The following HSPG2 variants were observed in gnomAD, a reference collection of about 807,000 sequenced individuals.
The protein encoded by HSPG2 is heparan sulfate proteoglycan 2.
Under a neutral mutation model 526.6 loss-of-function variants are expected in HSPG2, and 278 were observed. The ratio of observed to expected loss-of-function variants is 0.53; its 90% CI spans 0.48 to 0.58. HSPG2 has a LOEUF of 0.58. Ranked by LOEUF, HSPG2 falls within the 20% of genes least tolerant of loss-of-function variation. The probability of loss-of-function intolerance (pLI) is 0.00; values close to 1 mark genes in which losing one functional copy is unlikely to be tolerated. For synonymous variants in HSPG2, 2,465 were observed against 2,555.4 expected, an observed-to-expected ratio of 0.96 and a Z score of 1.07; for missense variants, 5,354 against 6,099.5, an observed-to-expected ratio of 0.88 and a Z score of 4.07.
In HSPG2 at chr1:21,848,331, G is replaced by T. The variant is rs139187221; in HGVS notation, c.7738-238C>A. Among the ~76,000 whole-genome samples, 1 of 152,274 alleles carries T rather than the reference G, an allele frequency of 6.6e-6. No homozygotes were observed. Among genetic ancestry groups the T allele is most frequent in the East Asian group, 1.9e-4 (1 of 5,166 alleles). ...CTCCGGAGTGTTGACACAGTATCCT[G>T]CTGGGGCTCCCACAGCCTGCGAGCT... On this transcript the variant is annotated intron_variant, in intron 59 of 96. Coordinates refer to ENST00000374695, the MANE Select transcript of HSPG2 (RefSeq NM_005529.7). The surrounding 1 kb of genome is among the most constrained non-coding windows in gnomAD (Gnocchi z 4.9).
intron 1 of HSPG2, among the ~76,000 whole-genome samples, chr1:21,897,468 T>C (rs572052555): frequency 6.6e-6 from 1 of 151,812 alleles, no homozygotes; most frequent in African/African-American, 2.4e-5. Flanking sequence ...CCACCCCTAC[T>C]GCTCCCACAG....
At chr1:21,853,199 GC>G in intron 50 of HSPG2, 129 bp from the exon 51 acceptor site, 1 of 1,263,814 alleles carries the variant, frequency 7.9e-7, no homozygotes, top group Non-Finnish European at 1.1e-6. Context: ...TGGGACTAGG[GC>G]CACACCCTTC....
At chr1:21,849,639 G>C (rs1236525386) in intron 57 of HSPG2, among the ~76,000 whole-genome samples, 13 of 151,872 alleles carry the variant, frequency 8.6e-5, no homozygotes. Context: ...CATGCAAGTA[G>C]CGGAACAGTG....
intron 1 of HSPG2, among the ~76,000 whole-genome samples, chr1:21,925,765 A>T (rs1430805423): frequency 6.6e-6 from 1 of 152,148 alleles, no homozygotes; most frequent in Non-Finnish European, 1.5e-5. Context: ...AACAGGACCC[A>T]CTGAGGAAAA....
Position 21,823,398 on chromosome 1 carries a change from C to T in HSPG2, c.13094G>A (p.Arg4365Gln), listed in dbSNP as rs373773624. The change falls in exon 97 of 97, where the codon CGA (arginine) becomes CAA (glutamine). Residue 4365 changes from arginine to glutamine, a missense_variant. Transcript: ENST00000374695. ...CVKNLVLHSA[R>Q]PGAPPPQPLD... ...GGGCTGTGGGGGCGGGGCGCCGGGT[C>T]GGGCCGAGTGCAGCACCAGGTTCTT... The T allele has an allele frequency of 2.0e-5, 31 of 1,565,548 alleles. No homozygotes were observed. The highest frequency in any genetic ancestry group is 4.0e-5 in the African/African-American group (3 of 74,092).
At position 21,870,212 on chromosome 1, in the gene HSPG2, C is replaced by T. The variant is rs1281239024; in HGVS notation, c.4221+1974G>A. 5 of 984,510 alleles carry T rather than the reference C, an allele frequency of 5.1e-6. No individual in the cohort carries two copies. The African/African-American group carries it at 5.2e-5, about 10-fold the overall frequency. The allele number at this position is 984,510 out of a possible 1,614,324, so 61.0% of individuals were successfully genotyped here. On this transcript the variant is annotated intron_variant, in intron 33 of 96. Coordinates refer to ENST00000374695, the MANE Select transcript of HSPG2 (RefSeq NM_005529.7). ...CCTGTCCTAGCCAGGTCCTCAGTTA[C>T]CTGTGATGCCCGCTGTGCCCAGTCC...
chr1:21,833,456 TG>T lies in HSPG2; in HGVS notation c.10978+10del, dbSNP rs2098013378. 1.2e-6 allele frequency: 2 copies of T among 1,613,918 alleles called. No homozygotes were observed. The highest frequency in any genetic ancestry group is 2.2e-5 in the South Asian group (2 of 91,078). The stretch of plus-strand genomic sequence containing the variant: ...GCAGGGCACTGCCAATTCTTAGGGG[TG>T]GTGTCTTACCTGGCACCTGCAGGTG... On this transcript the variant is annotated intron_variant, in intron 79 of 96. Transcript: ENST00000374695.
rs752704590 is a variant in HSPG2 at position 21,832,487 on chromosome 1, G to C, written c.11207+8C>G. The C allele has an allele frequency of 6.2e-7, 1 of 1,610,264 alleles. No individual in the cohort carries two copies. Among genetic ancestry groups the C allele is most frequent in the African/African-American group, 1.3e-5 (1 of 74,968 alleles). On this transcript the variant is annotated splice_region_variant and intron_variant, in intron 81 of 96. Coordinates refer to ENST00000374695, the MANE Select transcript of HSPG2 (RefSeq NM_005529.7). Reference sequence around the variant, plus strand: ...TCCCCCTGTAGGTGGGGAGGCTGGGGGTCTCACCGGAACTCGGGCCTTCCC... The same window carrying C: ...TCCCCCTGTAGGTGGGGAGGCTGGGCGTCTCACCGGAACTCGGGCCTTCCC...
intron 1 of HSPG2, among the ~76,000 whole-genome samples, chr1:21,917,823 A>G (rs1643925858): frequency 6.6e-6 from 1 of 152,136 alleles, no homozygotes; most frequent in Non-Finnish European, 1.5e-5. Flanking sequence ...TTCTCCCTAC[A>G]AATATGTGGA....
chr1:21,888,090 T>C (rs1314655970), intron 6 of HSPG2, 24 bp from the exon 7 acceptor site: 1 of 1,613,518 alleles, frequency 6.2e-7, no homozygotes, highest in South Asian at 1.1e-5. Context: ...GGAAGCAGAC[T>C]GGAGTCAGAG....
intron 9 of HSPG2, 28 bp from the exon 10 acceptor site, chr1:21,885,479 T>C (rs1291760562): frequency 1.2e-6 from 2 of 1,613,212 alleles, no homozygotes; most frequent in East Asian, 2.2e-5. Flanking sequence ...TGGTTCCCAA[T>C]AGCCCACCCC....
intron 91 of HSPG2, among the ~76,000 whole-genome samples, chr1:21,825,817 G>T (rs575766065): frequency 6.6e-6 from 1 of 152,056 alleles, no homozygotes; most frequent in Non-Finnish European, 1.5e-5. Flanking sequence ...ATGGAGTCTC[G>T]CTCCGTGGCC....
Position 21,872,991 on chromosome 1 carries a change from A to T in HSPG2, c.3888+6T>A. On this transcript the variant is annotated splice_donor_region_variant and intron_variant, in intron 31 of 96. Transcript: ENST00000374695. This position sits in a 1 kb window ranked among gnomAD's most constrained non-coding sequence, Gnocchi z 5.5. ...AGGCCCCGCAGGGACAGGGATTCGG[A>T]CTGACCTTGCACTGGCACTGACCAG... The T allele has an allele frequency of 6.2e-7, 1 of 1,610,646 alleles. No homozygotes were observed. The highest frequency in any genetic ancestry group is 8.5e-7 in the Non-Finnish European group (1 of 1,178,798).
At position 21,854,390 on chromosome 1, in the gene HSPG2, A is replaced by G. The variant is rs776456689; in HGVS notation, c.6289-47T>C. ...GTACGTGAGGACAGGGACGGGGGCT[A>G]TTGTCACCACTCCCTCAGCCTCAGT... On this transcript the variant is annotated intron_variant, in intron 49 of 96. Coordinates refer to ENST00000374695, the MANE Select transcript of HSPG2 (RefSeq NM_005529.7). 5.8e-6 allele frequency: 9 copies of G among 1,549,368 alleles called. No homozygotes were observed. In the South Asian group the frequency reaches 7.1e-5, roughly 12 times the overall value.
Position 21,892,145 on chromosome 1 carries a change from C to T in HSPG2, c.245-1451G>A, listed in dbSNP as rs148640577. Among the ~76,000 whole-genome samples the T allele has an allele frequency of 1.4e-3, 220 of 152,374 alleles. 2 individuals are homozygous for T. Among genetic ancestry groups the T allele is most frequent in the African/African-American group, 5.2e-3 (218 of 41,600 alleles). On this transcript the variant is annotated intron_variant, in intron 3 of 96. Transcript: ENST00000374695. ...CCCGCAGGTGCACAGGACATTCTTG[C>T]TCTGTGGCTCAGGTGAAGAAAGCCC...
At chr1:21,920,280 G>C (rs1398053375) in intron 1 of HSPG2, among the ~76,000 whole-genome samples, 1 of 152,256 alleles carries the variant, frequency 6.6e-6, no homozygotes, top group Non-Finnish European at 1.5e-5. Flanking sequence ...CAGAAGGCTA[G>C]AAAGAGGCAG....
chr1:21,858,173 T>G lies in HSPG2; in HGVS notation c.5294-788A>C, dbSNP rs1156591385. ...TGTGTCGCCTCCTTCCAATCTGGTT[T>G]CTATCCCTTCTCTCCACTGAAAACC... On this transcript the variant is annotated intron_variant, in intron 42 of 96. Transcript: ENST00000374695. This position sits in a 1 kb window ranked among gnomAD's most constrained non-coding sequence, Gnocchi z 4.2. Among the ~76,000 whole-genome samples the G allele has an allele frequency of 6.6e-6, 1 of 152,214 alleles. No homozygotes were observed. Among genetic ancestry groups the G allele is most frequent in the Non-Finnish European group, 1.5e-5 (1 of 68,034 alleles).
rs1269920627 is a variant in HSPG2 at position 21,846,237 on chromosome 1, G to A, written c.8335C>T (p.Arg2779Trp). The change falls in exon 64 of 97, where the codon CGG becomes TGG. Residue 2779 changes from arginine to tryptophan, a missense_variant. Coordinates refer to ENST00000374695, the MANE Select transcript of HSPG2 (RefSeq NM_005529.7). ...TCGGCCGGGGACACATGGTGCAGCC[G>A]CAGCCGTGAGCCGCGGGTCTGAATA... ...SHHQTRGSRL[R>W]LHHVSPADSG... 10 of 1,612,778 alleles carry A rather than the reference G, an allele frequency of 6.2e-6. No individual in the cohort carries two copies. The highest frequency in any genetic ancestry group is 1.7e-5 in the Admixed American group (1 of 59,990).
At chr1:21,854,567 C>G in intron 49 of HSPG2, 44 bp downstream of exon 49, 3 of 1,533,454 alleles carry the variant, frequency 2.0e-6, no homozygotes, top group Non-Finnish European at 2.6e-6. Flanking sequence ...CCGCCACAGC[C>G]CCTGCACCCT....
Sources: allele counts gnomAD v4.1 joint callset (sites outside exome capture counted in the v4.1 genomes callset), GRCh38; gene constraint gnomAD v4.1.1; non-coding constraint Gnocchi (gnomAD v3.1); transcripts MANE v1.5; gene names NCBI Gene and HGNC (gene_info 2026-07-23, HGNC 2026-07-21).